The following MORN1 variants were observed in gnomAD, a reference collection of about 807,000 sequenced individuals.
MORN1 encodes the protein MORN repeat containing 1, also known as MORN repeat-containing protein 1.
Under a neutral mutation model 61.9 loss-of-function variants are expected in MORN1, and 67 were observed. The ratio of observed to expected loss-of-function variants is 1.08; its 90% confidence interval spans 0.89 to 1.33. MORN1 has a LOEUF of 1.33. Among genes scored for constraint, MORN1 ranks in the 40% most tolerant of loss-of-function variants. The pLI, the probability that MORN1 is intolerant of heterozygous loss-of-function variation, is 0.00. For synonymous variants in MORN1, 301 were observed against 292.0 expected (o/e 1.03, Z -0.31); for missense variants, 752 against 691.2 (o/e 1.09, Z -0.99).
chr1:2,375,188 A>G (rs947564365), intron 6 of MORN1: 1 of 152,232 alleles, frequency 6.6e-6, no homozygotes, highest in Admixed American at 6.5e-5. Flanking sequence ...ATGGTATTTC[A>G]TTTGACTCTG....
rs1038771649 is a variant in MORN1 at position 2,334,776 on chromosome 1, G to A, written c.1250+1693C>T. Among the ~76,000 whole-genome samples, 3 of 152,254 alleles carry A rather than the reference G, an allele frequency of 2.0e-5. No individual in the cohort carries two copies. Among genetic ancestry groups the A allele is most frequent in the Non-Finnish European group, 4.4e-5 (3 of 68,048 alleles). Reference sequence around the variant, plus strand: ...GCGAGCCCTTTGGCTGGGAGGCCCAGGCTGGGAGCAGACGCCGACCCCTCC... The same window carrying A: ...GCGAGCCCTTTGGCTGGGAGGCCCAAGCTGGGAGCAGACGCCGACCCCTCC... On this transcript the variant is annotated intron_variant, in intron 12 of 13. Transcript: ENST00000378531. The surrounding 1 kb of genome is among the most constrained non-coding windows in gnomAD (Gnocchi z 5.4).
chr1:2,340,258 C>T (rs916782842), intron 10 of MORN1, among the ~76,000 whole-genome samples: 1 of 152,156 alleles, frequency 6.6e-6, no homozygotes, highest in Non-Finnish European at 1.5e-5. Context: ...CACGTTCAGC[C>T]AGATGACCTC....
At position 2,372,623 on chromosome 1, in the gene MORN1, G is replaced by A. The variant is rs1414958906; in HGVS notation, c.635-32C>T. 1 of 1,558,222 alleles carries A rather than the reference G, an allele frequency of 6.4e-7. No homozygotes were observed. Among genetic ancestry groups the A allele is most frequent in the Non-Finnish European group, 8.8e-7 (1 of 1,136,710 alleles). On this transcript the variant is annotated intron_variant, in intron 7 of 13. Coordinates refer to ENST00000378531, the MANE Select transcript of MORN1 (RefSeq NM_024848.3). This position sits in a 1 kb window ranked among gnomAD's most constrained non-coding sequence, Gnocchi z 5.4. The stretch of plus-strand genomic sequence containing the variant: ...GAGGACAGAGTGTGGCTTTAGCGGT[G>A]ACTGGCATGGTCCCCCACCCACCCC...
chr1:2,323,066 G>A (rs749108976), intron 13 of MORN1: 98 of 985,314 alleles, frequency 9.9e-5, no homozygotes, highest in Non-Finnish European at 1.2e-4. Flanking sequence ...TGGCCGAGCG[G>A]CTGCGCACAG....
chr1:2,325,172 T>TCCCTTCCTTCCCTC (rs1569904746), intron 12 of MORN1, among the ~76,000 whole-genome samples: 75 of 13,660 alleles, frequency 5.5e-3, no homozygotes, highest in Non-Finnish European at 7.5e-3. Context: ...TTCCTTCCTT[T>TCCCTTCCTTCCCTC]CCTTCCTTCC....
intron 10 of MORN1, among the ~76,000 whole-genome samples, chr1:2,349,544 A>T (rs547716583): frequency 6.6e-6 from 1 of 152,314 alleles, no homozygotes; most frequent in East Asian, 1.9e-4. Flanking sequence ...CAGTCCCTCT[A>T]TATGATGTGA....
At chr1:2,391,367 T>G in intron 1 of MORN1, 91 bp downstream of exon 1, 1 of 1,227,846 alleles carries the variant, frequency 8.1e-7, no homozygotes, top group Non-Finnish European at 1.0e-6. Flanking sequence ...CTTTCCGAGG[T>G]GAGCATTTGG....
intron 3 of MORN1, chr1:2,387,887 T>C (rs1642543297): frequency 2.4e-6 from 1 of 421,918 alleles, no homozygotes; most frequent in Non-Finnish European, 4.3e-6. Context: ...CCGACCCCTC[T>C]GGCGTGAGGG....
At chr1:2,375,116 T>A (rs989267469) in intron 6 of MORN1, 2 of 152,294 alleles carry the variant, frequency 1.3e-5, no homozygotes, top group African/African-American at 4.8e-5. Context: ...TTCCAAGTCA[T>A]ACAACAAAGC....
At chr1:2,388,131 A>C in intron 3 of MORN1, 108 bp downstream of exon 3, 1 of 878,158 alleles carries the variant, frequency 1.1e-6, no homozygotes, top group South Asian at 1.5e-5. Context: ...CTCACGGCAC[A>C]AAGCTTCCCG....
At position 2,347,158 on chromosome 1, in the gene MORN1, C is replaced by T. The variant is rs1015231041; in HGVS notation, c.1036+10274G>A. 5.9e-5 allele frequency among the ~76,000 whole-genome samples: 9 copies of T among 152,336 alleles called. 2 individuals are homozygous for T. The South Asian group carries it at 1.9e-3, about 32-fold the overall frequency. On this transcript the variant is annotated intron_variant, in intron 10 of 13. Coordinates refer to ENST00000378531, the MANE Select transcript of MORN1 (RefSeq NM_024848.3). The stretch of plus-strand genomic sequence containing the variant: ...ATGGCCCCAGGACCTGGGATGCCGC[C>T]CCCACACAGCTTTGCTGGGGGAGGT...
chr1:2,339,221 C>T (rs777235788), intron 10 of MORN1, among the ~76,000 whole-genome samples: 22 of 152,174 alleles, frequency 1.4e-4, no homozygotes, highest in Admixed American at 9.2e-4. Context: ...TAGATCCCAG[C>T]GCATCTGGAC....
At chr1:2,386,110 G>A (rs1203333345) in intron 4 of MORN1, 3 of 572,942 alleles carry the variant, frequency 5.2e-6, no homozygotes. Context: ...GGGAAGGGCA[G>A]ATGTGCTTTG....
At chr1:2,341,519 C>T (rs760986799) in intron 10 of MORN1, among the ~76,000 whole-genome samples, 4 of 151,962 alleles carry the variant, frequency 2.6e-5, no homozygotes, top group African/African-American at 7.3e-5. Flanking sequence ...AGTGAAACCC[C>T]GTCTCTACTA....
At chr1:2,333,103 C>A (rs1207561365) in intron 12 of MORN1, among the ~76,000 whole-genome samples, 2 of 152,224 alleles carry the variant, frequency 1.3e-5, no homozygotes, top group African/African-American at 4.8e-5. Flanking sequence ...AAAAAGGCGA[C>A]CAGGTGTTGG....
chr1:2,355,603 G>A, intron 10 of MORN1: 3 of 857,380 alleles, frequency 3.5e-6, no homozygotes, highest in Non-Finnish European at 5.5e-6. Context: ...GGGGCATTCC[G>A]CTGCCGCTTT....
intron 10 of MORN1, among the ~76,000 whole-genome samples, chr1:2,338,919 G>A (rs1641338209): frequency 6.6e-6 from 1 of 152,160 alleles, no homozygotes; most frequent in Non-Finnish European, 1.5e-5. Flanking sequence ...GCCAGGTAAA[G>A]GGAGCCCTCC....
chr1:2,370,661 ATTTT>A (rs908015466), intron 8 of MORN1, among the ~76,000 whole-genome samples: 1 of 140,622 alleles, frequency 7.1e-6, no homozygotes, highest in Non-Finnish European at 1.5e-5. Flanking sequence ...CCTTTTTTTC[ATTTT>A]TTTTTCTTCT....
At chr1:2,335,324 G>A (rs1353109045) in intron 12 of MORN1, among the ~76,000 whole-genome samples, 2 of 152,158 alleles carry the variant, frequency 1.3e-5, no homozygotes, top group Non-Finnish European at 2.9e-5. Flanking sequence ...CCCCACCCCC[G>A]GCGGAAGCAG....
Sources: allele counts gnomAD v4.1 joint callset (sites outside exome capture counted in the v4.1 genomes callset), GRCh38; gene constraint gnomAD v4.1.1; non-coding constraint Gnocchi (gnomAD v3.1); transcripts MANE v1.5; gene names NCBI Gene and HGNC (gene_info 2026-07-23, HGNC 2026-07-21).